Variants in SBF2 observed in about 807,000 individuals in gnomAD.
SBF2 encodes SET binding factor 2.
In SBF2, 112 loss-of-function variants were observed where a neutral mutation model predicts 225.2. The observed-to-expected ratio is 0.50, with a 90% CI of 0.43 to 0.58. SBF2 has a LOEUF of 0.58. Ranked by LOEUF, SBF2 falls within the 20% of genes least tolerant of loss-of-function variation. The pLI is 0.00. For missense variants in SBF2, 1,996 were observed against 2,206.2 expected (o/e 0.90, Z 1.91); for synonymous variants, 763 against 773.3 (o/e 0.99, Z 0.22).
At chr11:10,010,096 TG>T (rs1948377622) in intron 6 of SBF2, among the ~76,000 whole-genome samples, 1 of 152,206 alleles carries the variant, frequency 6.6e-6, no homozygotes, top group South Asian at 2.1e-4. Context: ...TTGATGAGGT[TG>T]TTTTTTTCTT....
chr11:10,261,929 G>A (rs2135514782), intron 1 of SBF2, among the ~76,000 whole-genome samples: 1 of 152,214 alleles, frequency 6.6e-6, no homozygotes, highest in South Asian at 2.1e-4. Context: ...ATTAATCTAT[G>A]GCAGACAAAA....
chr11:10,071,276 T>C (rs1192364533), intron 2 of SBF2, among the ~76,000 whole-genome samples: 1 of 147,042 alleles, frequency 6.8e-6, no homozygotes, highest in Admixed American at 6.8e-5. Flanking sequence ...TTTTTTTTTT[T>C]TTTTTTTTGA....
chr11:9,933,612 G>A (rs773614703), intron 16 of SBF2, among the ~76,000 whole-genome samples: 1 of 152,160 alleles, frequency 6.6e-6, no homozygotes, highest in Non-Finnish European at 1.5e-5. Context: ...TGAAACTAAT[G>A]AGACCAAAGA....
chr11:10,179,552 C>T (rs867549044), intron 2 of SBF2, among the ~76,000 whole-genome samples: 20 of 152,006 alleles, frequency 1.3e-4, no homozygotes, highest in African/African-American at 3.6e-4. Flanking sequence ...TTTTATAGTG[C>T]AGATTAAGTG....
chr11:9,813,969 C>T (rs575907069), intron 29 of SBF2, among the ~76,000 whole-genome samples: 5 of 152,074 alleles, frequency 3.3e-5, no homozygotes, highest in East Asian at 1.9e-4. Context: ...AAAAAAACCA[C>T]GAAAGGCTTT....
chr11:9,784,415 T>TATAA lies in SBF2; in HGVS notation c.5254_5255insTTAT (p.Lys1752IlefsTer28), dbSNP rs1064793771. ...CCAACCTTTCAGCAAAGCCCCTCTTTTATAAAGTGTTCCCTCAAAGGACCT... is the reference window on the plus strand; with the variant it reads ...CCAACCTTTCAGCAAAGCCCCTCTTTATAATATAAAGTGTTCCCTCAAAGGACCT... On this transcript the variant is annotated frameshift_variant, in exon 38 of 40. Transcript: ENST00000256190. LOFTEE classifies it high-confidence loss of function. 4.3e-6 allele frequency: 7 copies of TATAA among 1,613,918 alleles called. No individual in the cohort carries two copies. The African/African-American group carries it at 9.3e-5, about 22-fold the overall frequency.
intron 2 of SBF2, among the ~76,000 whole-genome samples, chr11:10,063,809 A>C (rs1950529929): frequency 6.6e-6 from 1 of 151,054 alleles, no homozygotes; most frequent in Non-Finnish European, 1.5e-5. Flanking sequence ...AGTTTACACC[A>C]ATAAAAATTA....
intron 2 of SBF2, among the ~76,000 whole-genome samples, chr11:10,138,706 T>C (rs1319916442): frequency 6.6e-6 from 1 of 152,170 alleles, no homozygotes; most frequent in African/African-American, 2.4e-5. Context: ...TTTAGAAACA[T>C]ACTGTTCACT....
chr11:9,982,707 A>G (rs1947011607), intron 13 of SBF2, among the ~76,000 whole-genome samples: 1 of 152,192 alleles, frequency 6.6e-6, no homozygotes, highest in African/African-American at 2.4e-5. Flanking sequence ...AGATCCTCGG[A>G]AGGAAGTGAA....
chr11:9,833,153 G>A (rs1257209650), intron 26 of SBF2, among the ~76,000 whole-genome samples: 8 of 152,104 alleles, frequency 5.3e-5, no homozygotes, highest in Non-Finnish European at 8.8e-5. Context: ...AATTATTTTT[G>A]GCATGAGAAC....
At chr11:9,902,870 A>T (rs1253292910) in intron 16 of SBF2, among the ~76,000 whole-genome samples, 1 of 152,160 alleles carries the variant, frequency 6.6e-6, no homozygotes, top group Non-Finnish European at 1.5e-5. Context: ...GTAAGCCTTT[A>T]AGAATTTCTG....
At chr11:9,950,532 A>G (rs993528437) in intron 16 of SBF2, among the ~76,000 whole-genome samples, 18 of 152,208 alleles carry the variant, frequency 1.2e-4, no homozygotes, top group African/African-American at 4.1e-4. Context: ...TGTAAGCTTC[A>G]GCTATGATGA....
intron 16 of SBF2, among the ~76,000 whole-genome samples, chr11:9,915,440 C>T (rs1312142359): frequency 5.9e-5 from 5 of 85,032 alleles, no homozygotes; most frequent in Admixed American, 1.3e-4. Flanking sequence ...AGCAAGAGTC[C>T]GTCTCAAAAA....
chr11:10,002,477 TGTGC>T, intron 7 of SBF2, 76 bp downstream of exon 7: 1 of 1,150,496 alleles, frequency 8.7e-7, no homozygotes. Flanking sequence ...TCAAAACCAT[TGTGC>T]CATAACATTA....
chr11:10,224,321 T>A (rs1374975230), intron 1 of SBF2, among the ~76,000 whole-genome samples: 1 of 152,124 alleles, frequency 6.6e-6, no homozygotes, highest in Non-Finnish European at 1.5e-5. Flanking sequence ...TCCCTCAATC[T>A]CTATTGCTTT....
chr11:10,074,923 A>G (rs1172599139), intron 2 of SBF2, among the ~76,000 whole-genome samples: 1 of 152,262 alleles, frequency 6.6e-6, no homozygotes. Context: ...TGGTTAAGAT[A>G]TAATAGTTTA....
intron 2 of SBF2, among the ~76,000 whole-genome samples, chr11:10,177,849 G>C (rs1956538824): frequency 6.7e-6 from 1 of 149,040 alleles, no homozygotes. Flanking sequence ...CTACTTTAAA[G>C]TTCATATGGA....
At position 10,087,805 on chromosome 11, in the gene SBF2, T is replaced by C. The variant is rs114349715; in HGVS notation, c.142-44824A>G. Among the ~76,000 whole-genome samples the C allele has an allele frequency of 2.7e-3, 413 of 152,310 alleles. 2 individuals are homozygous for C. The highest frequency in any genetic ancestry group is 9.8e-3 in the African/African-American group (406 of 41,578). On this transcript the variant is annotated intron_variant, in intron 2 of 39. Coordinates refer to ENST00000256190, the MANE Select transcript of SBF2 (RefSeq NM_030962.4). ...ACAATAGTGACTGGAGTATTCCAAT[T>C]AGTCAGCATTTTCAGTAAAACCTGG...
intron 1 of SBF2, among the ~76,000 whole-genome samples, chr11:10,231,264 C>T (rs1008957982): frequency 1.3e-5 from 2 of 152,154 alleles, no homozygotes; most frequent in African/African-American, 4.8e-5. Context: ...GAACTTTCTC[C>T]TCTACCTCGG....
Sources: gnomAD v4.1 joint callset for allele counts (sites outside exome capture counted in the v4.1 genomes callset) on GRCh38, gnomAD v4.1.1 for gene constraint, MANE v1.5 for transcripts, NCBI Gene and HGNC (gene_info 2026-07-23, HGNC 2026-07-21) for gene names.